The following UNC80 variants were observed in gnomAD, a reference collection of about 807,000 sequenced individuals.
UNC80 encodes unc-80 subunit of NALCN channel complex.
UNC80 carries 164 observed loss-of-function variants against 384.6 expected under a neutral mutation model. The observed-to-expected ratio is 0.43, with a 90% CI of 0.38 to 0.49. The LOEUF is 0.49. Among genes scored for constraint, UNC80 ranks in the 20% least tolerant of loss-of-function variants. The pLI is 0.00. For missense variants in UNC80, 3,330 were observed against 4,143.0 expected, an observed-to-expected ratio of 0.80 and a Z score of 5.39; for synonymous variants, 1,486 against 1,527.8, an observed-to-expected ratio of 0.97 and a Z score of 0.64.
At chr2:209,965,912 C>T (rs969849864) in intron 51 of UNC80, among the ~76,000 whole-genome samples, 1 of 149,468 alleles carries the variant, frequency 6.7e-6, no homozygotes, top group South Asian at 2.1e-4. Context: ...ATCTTCAGAG[C>T]TTTTCCAGTA....
At chr2:209,948,829 G>A (rs1213364390) in intron 47 of UNC80, among the ~76,000 whole-genome samples, 1 of 152,104 alleles carries the variant, frequency 6.6e-6, no homozygotes, top group African/African-American at 2.4e-5. Context: ...GATTAAGGAA[G>A]TAATTTTATT....
At chr2:209,841,950 T>C (rs907719140) in intron 20 of UNC80, among the ~76,000 whole-genome samples, 1 of 152,230 alleles carries the variant, frequency 6.6e-6, no homozygotes, top group African/African-American at 2.4e-5. Context: ...ATACTGATTC[T>C]TTCACAGAGA....
chr2:209,917,658 T>C, intron 31 of UNC80, 119 bp from the exon 32 acceptor site: 1 of 1,226,482 alleles, frequency 8.2e-7, no homozygotes, highest in African/African-American at 1.5e-5. Context: ...GCTGGTAGCC[T>C]AGCTCCATAT....
intron 22 of UNC80, among the ~76,000 whole-genome samples, chr2:209,852,749 T>C (rs1416820030): frequency 6.6e-6 from 1 of 152,156 alleles, no homozygotes; most frequent in East Asian, 1.9e-4. Flanking sequence ...CTCAGGGTTA[T>C]GCTAACTTTC....
chr2:209,819,720 G>T (rs1352407250), intron 12 of UNC80, among the ~76,000 whole-genome samples: 1 of 152,160 alleles, frequency 6.6e-6, no homozygotes, highest in Admixed American at 6.5e-5. Context: ...ATTAGCAAAT[G>T]AAGGGGTTGT....
At chr2:209,897,252 T>G (rs900405451) in intron 28 of UNC80, among the ~76,000 whole-genome samples, 5 of 152,192 alleles carry the variant, frequency 3.3e-5, no homozygotes, top group Non-Finnish European at 7.4e-5. Context: ...TACATTTTTA[T>G]GAAGTAAATA....
At chr2:209,978,395 G>C (rs777212112) in intron 58 of UNC80, 134 bp from the exon 59 acceptor site, 1 of 705,838 alleles carries the variant, frequency 1.4e-6, no homozygotes, top group Non-Finnish European at 2.1e-6. Flanking sequence ...TTGCAACTTT[G>C]TTATAAAGAT....
chr2:209,818,255 C>T (rs1052936335), intron 11 of UNC80, among the ~76,000 whole-genome samples: 1 of 152,104 alleles, frequency 6.6e-6, no homozygotes, highest in South Asian at 2.1e-4. Context: ...AGATTCAGTG[C>T]TTCGATTCCC....
intron 7 of UNC80, chr2:209,809,082 C>T (rs1172765578): frequency 4.0e-6 from 2 of 496,300 alleles, no homozygotes; most frequent in South Asian, 2.0e-5. Flanking sequence ...GCGGGAAAGG[C>T]TCCCAGTCCC....
At position 209,914,036 on chromosome 2, in the gene UNC80, C is replaced by T. The variant is rs2089247749; in HGVS notation, c.5029+96C>T. 6.4e-6 allele frequency: 9 copies of T among 1,413,102 alleles called. No homozygotes were observed. In the East Asian group the frequency reaches 2.0e-4, roughly 32 times the overall value. The allele number at this position is 1,413,102 out of a possible 1,614,324, so 87.5% of individuals were successfully genotyped here. ...GAGGTGTTTCCATTCTATTTTTGCT[C>T]CTAGGTCAAGTTAATGGCAATTGCT... is the stretch of plus-strand genomic sequence containing the variant. On this transcript the variant is annotated intron_variant, in intron 31 of 64. Transcript: ENST00000673920.
intron 20 of UNC80, 148 bp downstream of exon 20, chr2:209,840,796 C>A: frequency 1.6e-6 from 1 of 635,688 alleles, no homozygotes. Context: ...CTTAGATAAG[C>A]AATGGAAACT....
intron 17 of UNC80, 129 bp from the exon 18 acceptor site, chr2:209,834,783 T>G: frequency 1.5e-6 from 1 of 675,264 alleles, no homozygotes; most frequent in East Asian, 3.2e-5. Flanking sequence ...CAACATAGAC[T>G]CCTGGTGACA....
intron 47 of UNC80, among the ~76,000 whole-genome samples, chr2:209,947,122 A>G (rs1483244608): frequency 1.3e-5 from 2 of 152,038 alleles, no homozygotes; most frequent in Non-Finnish European, 2.9e-5. Flanking sequence ...TCCTACTCCC[A>G]TTTTCTTGCT....
intron 12 of UNC80, among the ~76,000 whole-genome samples, chr2:209,819,513 A>C (rs1366442394): frequency 6.6e-6 from 1 of 152,036 alleles, no homozygotes; most frequent in African/African-American, 2.4e-5. Flanking sequence ...GTGAATCCTG[A>C]ATATACATAT....
intron 51 of UNC80, among the ~76,000 whole-genome samples, chr2:209,966,538 T>G (rs999812957): frequency 1.3e-5 from 2 of 152,244 alleles, no homozygotes; most frequent in African/African-American, 4.8e-5. Context: ...ATTTGGAAAT[T>G]GGTAATCCAT....
chr2:209,927,222 A>T (rs1366738794), intron 36 of UNC80, among the ~76,000 whole-genome samples: 1 of 152,192 alleles, frequency 6.6e-6, no homozygotes, highest in Admixed American at 6.5e-5. Context: ...TGGGTCCAGG[A>T]GCATTGTTCG....
intron 37 of UNC80, 101 bp from the exon 38 acceptor site, chr2:209,930,866 TA>T (rs938191195): frequency 7.1e-5 from 51 of 714,622 alleles, no homozygotes; most frequent in Non-Finnish European, 1.0e-4. Context: ...TGGGCAAAAG[TA>T]AAAAAAATCC....
intron 30 of UNC80, 81 bp downstream of exon 30, chr2:209,912,748 G>A: frequency 1.1e-6 from 1 of 936,698 alleles, no homozygotes. Flanking sequence ...TAATGTTTGG[G>A]ACATACAACA....
chr2:209,950,272 T>C (rs1181023568), intron 47 of UNC80, among the ~76,000 whole-genome samples: 1 of 152,148 alleles, frequency 6.6e-6, no homozygotes, highest in Admixed American at 6.5e-5. Flanking sequence ...TTTCTAGGAA[T>C]TTTTCTATTT....
Sources: allele counts gnomAD v4.1 joint callset (sites outside exome capture counted in the v4.1 genomes callset), GRCh38; gene constraint gnomAD v4.1.1; transcripts MANE v1.5; gene names NCBI Gene and HGNC (gene_info 2026-07-23, HGNC 2026-07-21).